NR2F1-AS1: variants seen among roughly 807,000 people sequenced by gnomAD.
NR2F1-AS1 encodes the protein NR2F1 antisense RNA 1.
rs537195342 is a variant in NR2F1-AS1 at position 93,502,735 on chromosome 5, A to G, written n.638+51026T>C. ...GGTAGGAAAAAGTTTTCTATAACCAATCAAACCCTAAAGATAGGTTTGGGG... is the reference window on the plus strand; with the variant it reads ...GGTAGGAAAAAGTTTTCTATAACCAGTCAAACCCTAAAGATAGGTTTGGGG... On this transcript the variant is annotated intron_variant and non_coding_transcript_variant, in intron 4 of 5. Coordinates refer to ENST00000660523, the Ensembl canonical transcript of NR2F1-AS1. Among the ~76,000 whole-genome samples, 14 of 152,144 alleles carry G rather than the reference A, an allele frequency of 9.2e-5. 1 individual carries two copies. In the South Asian group the frequency reaches 2.7e-3, roughly 29 times the overall value.
At chr5:93,506,539 A>T (rs1032848726) in intron 4 of NR2F1-AS1, among the ~76,000 whole-genome samples, 1 of 152,198 alleles carries the variant, frequency 6.6e-6, no homozygotes, top group Non-Finnish European at 1.5e-5. Flanking sequence ...GTTCCACATG[A>T]CTGGGGAGGC....
intron 2 of NR2F1-AS1, among the ~76,000 whole-genome samples, chr5:93,562,339 T>C (rs1469238305): frequency 1.3e-5 from 2 of 152,210 alleles, no homozygotes; most frequent in Non-Finnish European, 2.9e-5. Context: ...CTTCCTAGGC[T>C]GGAGTGCAGT....
intron 4 of NR2F1-AS1, among the ~76,000 whole-genome samples, chr5:93,537,931 C>G (rs1751872364): frequency 6.6e-6 from 1 of 152,076 alleles, no homozygotes; most frequent in South Asian, 2.1e-4. Flanking sequence ...TGTGGGTTTT[C>G]TCTGGGTACT....
chr5:93,489,428 TA>T (rs893705250), intron 4 of NR2F1-AS1, among the ~76,000 whole-genome samples: 13 of 151,878 alleles, frequency 8.6e-5, no homozygotes, highest in African/African-American at 3.1e-4. Context: ...TATATATATA[TA>T]TATTTTTAGG....
intron 4 of NR2F1-AS1, among the ~76,000 whole-genome samples, chr5:93,492,232 T>C (rs538992011): frequency 5.3e-5 from 8 of 152,238 alleles, no homozygotes; most frequent in African/African-American, 1.7e-4. Context: ...ACATAAATTA[T>C]CAAAACTGAT....
At chr5:93,449,963 T>C (rs1227880293) in intron 4 of NR2F1-AS1, among the ~76,000 whole-genome samples, 7 of 152,304 alleles carry the variant, frequency 4.6e-5, no homozygotes, top group African/African-American at 1.7e-4. Context: ...GGGAGATTAG[T>C]GTTTCAACTT....
chr5:93,494,545 G>A (rs1053852270), intron 4 of NR2F1-AS1, among the ~76,000 whole-genome samples: 2 of 152,100 alleles, frequency 1.3e-5, no homozygotes, highest in African/African-American at 4.8e-5. Context: ...AACCCAGGAG[G>A]TGAAGGTTGC....
Position 93,460,158 on chromosome 5 carries a change from G to A in NR2F1-AS1, n.639-64616C>T, listed in dbSNP as rs1004061370. Among the ~76,000 whole-genome samples the A allele has an allele frequency of 2.0e-5, 3 of 152,206 alleles. No homozygotes were observed. In the South Asian group the frequency reaches 6.2e-4, roughly 32 times the overall value. On this transcript the variant is annotated intron_variant and non_coding_transcript_variant, in intron 4 of 5. Coordinates refer to ENST00000660523, the Ensembl canonical transcript of NR2F1-AS1. Reference sequence around the variant, plus strand: ...TGAAAACGCCCTGGAATGAGGATAAGAAGATGCAAAGAAACAACTGATATA... The same window carrying A: ...TGAAAACGCCCTGGAATGAGGATAAAAAGATGCAAAGAAACAACTGATATA...
At chr5:93,463,184 G>A (rs1315202103) in intron 4 of NR2F1-AS1, among the ~76,000 whole-genome samples, 1 of 152,206 alleles carries the variant, frequency 6.6e-6, no homozygotes, top group Non-Finnish European at 1.5e-5. Context: ...ATGCCACCTA[G>A]GGAATTGGTG....
At chr5:93,468,993 T>C (rs925645083) in intron 4 of NR2F1-AS1, among the ~76,000 whole-genome samples, 2 of 152,198 alleles carry the variant, frequency 1.3e-5, no homozygotes, top group Non-Finnish European at 2.9e-5. Context: ...TCTGTTCTGT[T>C]CCACTGATGT....
intron 4 of NR2F1-AS1, among the ~76,000 whole-genome samples, chr5:93,449,072 A>G (rs12188716): frequency 0.049 from 7,486 of 152,162 alleles, 214 homozygotes; most frequent in Middle Eastern, 0.11. Context: ...AAAAATTAGG[A>G]TTTTGAAAAA....
At chr5:93,477,419 A>G (rs902854889) in intron 4 of NR2F1-AS1, among the ~76,000 whole-genome samples, 4 of 152,206 alleles carry the variant, frequency 2.6e-5, no homozygotes, top group African/African-American at 9.6e-5. Context: ...TTTTTACACT[A>G]TCAAGATACT....
At chr5:93,558,718 A>G (rs1752419731) in intron 2 of NR2F1-AS1, among the ~76,000 whole-genome samples, 1 of 152,256 alleles carries the variant, frequency 6.6e-6, no homozygotes, top group African/African-American at 2.4e-5. Context: ...ACATGAAAAC[A>G]ATATTAATCT....
intron 4 of NR2F1-AS1, among the ~76,000 whole-genome samples, chr5:93,446,228 G>T (rs1313334815): frequency 6.6e-6 from 1 of 152,112 alleles, no homozygotes; most frequent in Non-Finnish European, 1.5e-5. Context: ...AAGAAATAAA[G>T]GGTATTCAAT....
rs188131884 is a variant in NR2F1-AS1 at position 93,532,862 on chromosome 5, A to G, written n.638+20899T>C. 6.8e-4 allele frequency among the ~76,000 whole-genome samples: 103 copies of G among 152,370 alleles called. 1 individual carries two copies. Among genetic ancestry groups the G allele is most frequent in the African/African-American group, 2.4e-3 (98 of 41,594 alleles). On this transcript the variant is annotated intron_variant and non_coding_transcript_variant, in intron 4 of 5. Transcript: ENST00000660523. Reference sequence around the variant, plus strand: ...AAATTATTAATACAGAAAATGTGAAAGCAATCATACTAGAACCACAAATGG... The same window carrying G: ...AAATTATTAATACAGAAAATGTGAAGGCAATCATACTAGAACCACAAATGG...
intron 4 of NR2F1-AS1, among the ~76,000 whole-genome samples, chr5:93,415,761 C>A (rs531073130): frequency 1.3e-5 from 2 of 152,102 alleles, no homozygotes; most frequent in Non-Finnish European, 2.9e-5. Flanking sequence ...TGCAGAAAAG[C>A]CTGATTTTTA....
intron 4 of NR2F1-AS1, among the ~76,000 whole-genome samples, chr5:93,514,058 T>C (rs1751354002): frequency 6.6e-6 from 1 of 152,078 alleles, no homozygotes; most frequent in African/African-American, 2.4e-5. Flanking sequence ...GATTACAGTG[T>C]AGTTCAGTAT....
At chr5:93,415,200 C>G (rs1202839354) in intron 4 of NR2F1-AS1, among the ~76,000 whole-genome samples, 1 of 152,170 alleles carries the variant, frequency 6.6e-6, no homozygotes, top group Admixed American at 6.5e-5. Context: ...CACTTTATAG[C>G]TGACCTATCT....
chr5:93,557,565 A>G, intron 2 of NR2F1-AS1, among the ~76,000 whole-genome samples: 1 of 152,140 alleles, frequency 6.6e-6, no homozygotes, highest in Admixed American at 6.5e-5. Flanking sequence ...TAATTTTAAA[A>G]TACTTTATTG....
Sources: gnomAD v4.1 joint callset for allele counts (sites outside exome capture counted in the v4.1 genomes callset) on GRCh38, gnomAD v4.1.1 for gene constraint, MANE v1.5 for transcripts, NCBI Gene and HGNC (gene_info 2026-07-23, HGNC 2026-07-21) for gene names.